FGGY: variants seen among roughly 807,000 people sequenced by gnomAD.
The protein encoded by FGGY is FGGY carbohydrate kinase domain containing.
A neutral mutation model predicts 71.3 loss-of-function variants in FGGY; 72 were observed. That is an observed-to-expected ratio of 1.01 (90% CI 0.84 to 1.23). The LOEUF (loss-of-function observed/expected upper bound fraction) is 1.23, where lower values mean the gene tolerates loss of function less well. Ranked by LOEUF, FGGY falls within the 50% of genes most tolerant of loss-of-function variation. FGGY has a pLI of 0.00. For missense variants in FGGY, 668 were observed against 682.3 expected, an observed-to-expected ratio of 0.98 and a Z score of 0.23; for synonymous variants, 251 against 250.3, an observed-to-expected ratio of 1.00 and a Z score of -0.02.
chr1:59,617,002 G>GT (rs2096762274), intron 9 of FGGY, among the ~76,000 whole-genome samples: 1 of 152,002 alleles, frequency 6.6e-6, no homozygotes, highest in South Asian at 2.1e-4. Context: ...ACTAATTCTT[G>GT]TTTATTCTCT....
intron 14 of FGGY, among the ~76,000 whole-genome samples, chr1:59,743,750 A>G (rs1198706991): frequency 6.6e-6 from 1 of 152,224 alleles, no homozygotes; most frequent in Non-Finnish European, 1.5e-5. Flanking sequence ...GTTTGTTTTA[A>G]GTAAAAGGAC....
chr1:59,720,903 A>C (rs78667879), intron 14 of FGGY, among the ~76,000 whole-genome samples: 1 of 152,204 alleles, frequency 6.6e-6, no homozygotes, highest in East Asian at 1.9e-4. Context: ...TCCTTCTGCC[A>C]CTTGCCCAAA....
intron 8 of FGGY, among the ~76,000 whole-genome samples, chr1:59,591,004 T>G (rs1223098092): frequency 1.3e-5 from 2 of 152,236 alleles, no homozygotes; most frequent in Admixed American, 6.5e-5. Context: ...AAATTGTCCC[T>G]GTTTGCAGAT....
At chr1:59,745,359 G>T (rs1337932865) in intron 14 of FGGY, among the ~76,000 whole-genome samples, 4 of 152,148 alleles carry the variant, frequency 2.6e-5, no homozygotes, top group African/African-American at 9.7e-5. Flanking sequence ...TTATTCACCT[G>T]CCTAAACCCA....
intron 8 of FGGY, among the ~76,000 whole-genome samples, chr1:59,584,130 T>C (rs1214694741): frequency 4.0e-5 from 6 of 149,410 alleles, no homozygotes; most frequent in Admixed American, 1.3e-4. Flanking sequence ...TTCCAGCCAA[T>C]AGAAAAAGAG....
At chr1:59,553,605 G>GTCATCAGACCA (rs2095642162) in intron 7 of FGGY, among the ~76,000 whole-genome samples, 1 of 152,196 alleles carries the variant, frequency 6.6e-6, no homozygotes, top group Admixed American at 6.5e-5. Context: ...GAAAGATTCA[G>GTCATCAGACCA]TCATCAGACC....
At chr1:59,710,776 T>G (rs1201769674) in intron 14 of FGGY, among the ~76,000 whole-genome samples, 1 of 152,056 alleles carries the variant, frequency 6.6e-6, no homozygotes, top group Admixed American at 6.6e-5. Flanking sequence ...TGGTGATCAC[T>G]AAAGTCAGGA....
chr1:59,378,995 C>CT (rs1247718190), intron 5 of FGGY, among the ~76,000 whole-genome samples, 158 bp downstream of exon 5: 1 of 152,164 alleles, frequency 6.6e-6, no homozygotes, highest in African/African-American at 2.4e-5. Context: ...TCGACCTCCA[C>CT]TGCACATGCC....
At chr1:59,573,007 G>C (rs2096012800) in intron 8 of FGGY, among the ~76,000 whole-genome samples, 1 of 152,124 alleles carries the variant, frequency 6.6e-6, no homozygotes, top group African/African-American at 2.4e-5. Context: ...TAGTAATTCT[G>C]CCAAAAATGC....
At chr1:59,297,036 C>G (rs573984160), upstream of FGGY, 1 of 153,620 alleles carries the variant, frequency 6.5e-6, no homozygotes, top group Non-Finnish European at 1.4e-5. Context: ...TTCCCGCAGT[C>G]GTTGCCTCCT....
intron 8 of FGGY, among the ~76,000 whole-genome samples, chr1:59,560,102 A>G (rs1375164579): frequency 6.6e-6 from 1 of 152,212 alleles, no homozygotes; most frequent in African/African-American, 2.4e-5. Flanking sequence ...GTCAACATCA[A>G]CAATGATAAG....
intron 8 of FGGY, among the ~76,000 whole-genome samples, chr1:59,573,113 A>G (rs1265748964): frequency 6.6e-6 from 1 of 152,208 alleles, no homozygotes; most frequent in African/African-American, 2.4e-5. Flanking sequence ...TGCCAAGGTC[A>G]TAAAAGAAAA....
chr1:59,520,404 C>A (rs915738628), intron 7 of FGGY, among the ~76,000 whole-genome samples: 1 of 152,196 alleles, frequency 6.6e-6, no homozygotes, highest in African/African-American at 2.4e-5. Flanking sequence ...GCACATCATG[C>A]ACATTCCACC....
intron 14 of FGGY, among the ~76,000 whole-genome samples, chr1:59,706,519 G>A (rs1431658210): frequency 2.6e-5 from 4 of 152,112 alleles, no homozygotes; most frequent in African/African-American, 9.7e-5. Flanking sequence ...AATTGACTTT[G>A]GATAATATGC....
At position 59,660,203 on chromosome 1, in the gene FGGY, C is replaced by T; in HGVS notation, c.1222-16C>T. On this transcript the variant is annotated splice_polypyrimidine_tract_variant and intron_variant, in intron 11 of 15. Coordinates refer to ENST00000303721, the MANE Select transcript of FGGY (RefSeq NM_018291.5). ...CTTTTGACCATCTTCTTCTTTTCTT[C>T]CCTTCATGCCTGCAGGTCACCGGAT... 1.2e-6 allele frequency: 2 copies of T among 1,611,074 alleles called. No individual in the cohort carries two copies.
intron 7 of FGGY, among the ~76,000 whole-genome samples, chr1:59,530,605 A>G (rs1456165169): frequency 6.6e-6 from 1 of 152,202 alleles, no homozygotes; most frequent in Non-Finnish European, 1.5e-5. Flanking sequence ...GATTGGTTTG[A>G]CACTTAAAGA....
intron 8 of FGGY, among the ~76,000 whole-genome samples, chr1:59,572,335 A>G (rs1233008467): frequency 6.6e-6 from 1 of 152,132 alleles, no homozygotes; most frequent in African/African-American, 2.4e-5. Context: ...AAGAGAGTAC[A>G]GAAGAATAAG....
chr1:59,741,330 G>C (rs180713776), intron 14 of FGGY, among the ~76,000 whole-genome samples: 2 of 152,256 alleles, frequency 1.3e-5, no homozygotes, highest in Admixed American at 1.3e-4. Flanking sequence ...GTACCACATA[G>C]TGAGTTCTCA....
intron 14 of FGGY, among the ~76,000 whole-genome samples, chr1:59,688,774 G>T (rs1351182047): frequency 6.7e-6 from 1 of 148,734 alleles, no homozygotes; most frequent in Non-Finnish European, 1.5e-5. Flanking sequence ...TTTTGAGATG[G>T]AGTCTCACTC....
Sources: gnomAD v4.1 joint callset for allele counts (sites outside exome capture counted in the v4.1 genomes callset) on GRCh38, gnomAD v4.1.1 for gene constraint, MANE v1.5 for transcripts, NCBI Gene and HGNC (gene_info 2026-07-23, HGNC 2026-07-21) for gene names.